The following TOP1 variants were observed in gnomAD, a reference collection of about 807,000 sequenced individuals.
The protein encoded by TOP1 is DNA topoisomerase I.
A neutral mutation model predicts 111.1 loss-of-function variants in TOP1; 10 were observed. The ratio of observed to expected loss-of-function variants is 0.09; its 90% CI spans 0.06 to 0.15. The LOEUF (loss-of-function observed/expected upper bound fraction) is 0.15, where lower values mean the gene tolerates loss of function less well. Ranked by LOEUF, TOP1 falls within the 10% of genes least tolerant of loss-of-function variation. The pLI is 1.00. For missense variants in TOP1, 474 were observed against 926.7 expected (o/e 0.51, Z 6.34); for synonymous variants, 271 against 302.9 (o/e 0.89, Z 1.10).
intron 2 of TOP1, among the ~76,000 whole-genome samples, chr20:41,049,525 A>G (rs2033376086): frequency 6.6e-6 from 1 of 152,202 alleles, no homozygotes; most frequent in Non-Finnish European, 1.5e-5. Context: ...TCCAACGGTA[A>G]CATTAGAGGC....
At position 41,067,418 on chromosome 20, in the gene TOP1, C is replaced by T. The variant is rs892124881; in HGVS notation, c.155+5928C>T. On this transcript the variant is annotated intron_variant, in intron 3 of 20. Coordinates refer to ENST00000361337, the MANE Select transcript of TOP1 (RefSeq NM_003286.4). This position sits in a 1 kb window ranked among gnomAD's most constrained non-coding sequence, Gnocchi z 4.0. ...ACAGGCTTGAGCCACCACACCCGGC[C>T]TCCAGTAAAATTTTATATACACTGT... Among the ~76,000 whole-genome samples the T allele has an allele frequency of 2.0e-5, 3 of 152,318 alleles. No individual in the cohort carries two copies. The highest frequency in any genetic ancestry group is 4.1e-4 in the South Asian group (2 of 4,830).
Position 41,095,699 on chromosome 20 carries a change from G to A in TOP1, c.731-1521G>A, listed in dbSNP as rs6129754. On this transcript the variant is annotated intron_variant, in intron 9 of 20. Coordinates refer to ENST00000361337, the MANE Select transcript of TOP1 (RefSeq NM_003286.4). This position sits in a 1 kb window ranked among gnomAD's most constrained non-coding sequence, Gnocchi z 4.6. ...TGAGATAAGATGTCTTCTGAGTTTT[G>A]AAATAAATGGATTTCTGGTTAAATT... is the stretch of plus-strand genomic sequence containing the variant. Among the ~76,000 whole-genome samples, 15 of 152,162 alleles carry A rather than the reference G, an allele frequency of 9.9e-5. No homozygotes were observed. The highest frequency in any genetic ancestry group is 3.1e-4 in the African/African-American group (13 of 41,428).
chr20:41,052,566 G>A (rs2033418509), intron 2 of TOP1, among the ~76,000 whole-genome samples: 1 of 152,208 alleles, frequency 6.6e-6, no homozygotes, highest in African/African-American at 2.4e-5. Context: ...TTTAACAGTT[G>A]GATCAAATTT....
Position 41,067,267 on chromosome 20 carries a change from C to G in TOP1, c.155+5777C>G, listed in dbSNP as rs925551059. Among the ~76,000 whole-genome samples, 7 of 151,882 alleles carry G rather than the reference C, an allele frequency of 4.6e-5. No individual in the cohort carries two copies. The highest frequency in any genetic ancestry group is 1.7e-4 in the African/African-American group (7 of 41,316). On this transcript the variant is annotated intron_variant, in intron 3 of 20. Coordinates refer to ENST00000361337, the MANE Select transcript of TOP1 (RefSeq NM_003286.4). The surrounding 1 kb of genome is among the most constrained non-coding windows in gnomAD (Gnocchi z 4.0). ...CCCGAGTAGCTGGGACTTACAGGCG[C>G]CTGCCACCACGCCGAGCTAATTTTT... is the stretch of plus-strand genomic sequence containing the variant.
intron 13 of TOP1, among the ~76,000 whole-genome samples, chr20:41,108,170 T>G (rs1433959919): frequency 6.6e-6 from 1 of 152,222 alleles, no homozygotes; most frequent in East Asian, 1.9e-4. Context: ...GATGCTTTTG[T>G]TCTACACATT....
chr20:41,123,144 G>T lies in TOP1; in HGVS notation c.2196-51G>T. ...CATCTGACCCTGGGCCTCAGATATGGGCCATTGCTGAGTCACCCTAATCCC... is the reference window on the plus strand; with the variant it reads ...CATCTGACCCTGGGCCTCAGATATGTGCCATTGCTGAGTCACCCTAATCCC... On this transcript the variant is annotated intron_variant, in intron 20 of 20. Transcript: ENST00000361337. This position sits in a 1 kb window ranked among gnomAD's most constrained non-coding sequence, Gnocchi z 5.8. 1 of 1,270,390 alleles carries T rather than the reference G, an allele frequency of 7.9e-7. No individual in the cohort carries two copies. The highest frequency in any genetic ancestry group is 1.1e-6 in the Non-Finnish European group (1 of 870,376). The allele number at this position is 1,270,390 out of a possible 1,614,324, so 78.7% of individuals were successfully genotyped here.
At chr20:41,113,104 C>T (rs556584635) in intron 14 of TOP1, among the ~76,000 whole-genome samples, 179 bp downstream of exon 14, 2 of 152,296 alleles carry the variant, frequency 1.3e-5, no homozygotes, top group African/African-American at 4.8e-5. Context: ...GCAGTAGATT[C>T]TGATCTTTTT....
In TOP1 at chr20:41,058,716, G is replaced by C. The variant is rs1010711319; in HGVS notation, c.59-2678G>C. Among the ~76,000 whole-genome samples, 1 of 152,186 alleles carries C rather than the reference G, an allele frequency of 6.6e-6. No individual in the cohort carries two copies. Among genetic ancestry groups the C allele is most frequent in the Non-Finnish European group, 1.5e-5 (1 of 68,036 alleles). On this transcript the variant is annotated intron_variant, in intron 2 of 20. Transcript: ENST00000361337. This position sits in a 1 kb window ranked among gnomAD's most constrained non-coding sequence, Gnocchi z 4.2. ...CCACACTCAAGGGGAGGGGAATTAG[G>C]CTATACCTCTTGAAAAGCGGAGTAA...
At chr20:41,120,289 A>C (rs1029211699) in intron 18 of TOP1, among the ~76,000 whole-genome samples, 3 of 152,252 alleles carry the variant, frequency 2.0e-5, no homozygotes, top group Admixed American at 6.5e-5. Context: ...GTTGGAAGTA[A>C]GCCATTCATA....
chr20:41,075,513 A>T (rs2033716787), intron 3 of TOP1, among the ~76,000 whole-genome samples: 1 of 152,158 alleles, frequency 6.6e-6, no homozygotes, highest in Admixed American at 6.5e-5. Context: ...CCCTAAGATA[A>T]ATTTCCAGGA....
chr20:41,077,761 A>G lies in TOP1; in HGVS notation c.335+124A>G. 5 of 867,206 alleles carry G rather than the reference A, an allele frequency of 5.8e-6. 1 individual carries two copies. In the South Asian group the frequency reaches 7.8e-5, roughly 14 times the overall value. 53.7% of individuals were successfully genotyped at this position (867,206 alleles called of 1,614,324 possible). ...ACCTGGCCATCTTGATGGTTCCCAG[A>G]AGCTCAGCAGTGAGAAGACTCGGTC... On this transcript the variant is annotated intron_variant, in intron 5 of 20. Coordinates refer to ENST00000361337, the MANE Select transcript of TOP1 (RefSeq NM_003286.4).
chr20:41,093,475 AC>A (rs1383996014), intron 9 of TOP1, among the ~76,000 whole-genome samples: 1 of 149,568 alleles, frequency 6.7e-6, no homozygotes, highest in East Asian at 2.0e-4. Context: ...CCCTTTCCTG[AC>A]AGTCCCCCTT....
rs1277958206 is a variant in TOP1, at chr20:41,028,929, T to C, written c.-139T>C. 4.5e-6 allele frequency: 3 copies of C among 671,772 alleles called. No individual in the cohort carries two copies. The East Asian group carries it at 9.9e-5, about 22-fold the overall frequency. 41.6% of individuals were successfully genotyped at this position (671,772 alleles called of 1,614,324 possible). On this transcript the variant is annotated 5_prime_UTR_variant, in exon 1 of 21. Transcript: ENST00000361337. ...GTAGCAGCCTCAGCCGTTTCTGGAG[T>C]CTCGGGCCCACAGTCACCGCCGCTT...
intron 13 of TOP1, among the ~76,000 whole-genome samples, chr20:41,108,697 G>C (rs764015218): frequency 4.6e-5 from 7 of 152,068 alleles, no homozygotes; most frequent in African/African-American, 9.7e-5. Context: ...TCTGTGCCTG[G>C]TGCCCGTAGG....
At chr20:41,081,309 T>G (rs759082391) in intron 7 of TOP1, 69 bp downstream of exon 7, 132 of 1,513,380 alleles carry the variant, frequency 8.7e-5, no homozygotes, top group Non-Finnish European at 1.1e-4. Context: ...AAGCAACTTC[T>G]TAAGACAAAT....
chr20:41,121,421 C>T lies in TOP1; in HGVS notation c.1951-275C>T, dbSNP rs2034420886. On this transcript the variant is annotated intron_variant, in intron 18 of 20. Transcript: ENST00000361337. This position sits in a 1 kb window ranked among gnomAD's most constrained non-coding sequence, Gnocchi z 4.2. ...TGTTCTCTGATGGAAAGATCAGCAC[C>T]CAGATTCCCAGCCCCAGCGGGTTCC... Among the ~76,000 whole-genome samples, 1 of 152,202 alleles carries T rather than the reference C, an allele frequency of 6.6e-6. No individual in the cohort carries two copies. Among genetic ancestry groups the T allele is most frequent in the South Asian group, 2.1e-4 (1 of 4,822 alleles).
intron 8 of TOP1, among the ~76,000 whole-genome samples, chr20:41,089,963 C>T (rs889343603): frequency 6.6e-6 from 1 of 151,870 alleles, no homozygotes; most frequent in Non-Finnish European, 1.5e-5. Flanking sequence ...AGTTCTTTGC[C>T]CCACCCCCAC....
chr20:41,063,770 GTTTTT>G (rs1171812798), intron 3 of TOP1, among the ~76,000 whole-genome samples: 1 of 151,414 alleles, frequency 6.6e-6, no homozygotes, highest in Non-Finnish European at 1.5e-5. Flanking sequence ...TCTTTTGCTT[GTTTTT>G]TAATGGGGTT....
intron 3 of TOP1, among the ~76,000 whole-genome samples, chr20:41,075,923 T>C (rs1000974301): frequency 2.6e-5 from 4 of 152,354 alleles, no homozygotes; most frequent in Middle Eastern, 3.4e-3. Flanking sequence ...GCTGGCTGTG[T>C]ATTCTTAGTC....
Sources: gnomAD v4.1 joint callset for allele counts (sites outside exome capture counted in the v4.1 genomes callset) on GRCh38, gnomAD v4.1.1 for gene constraint, Gnocchi (gnomAD v3.1) non-coding constraint, MANE v1.5 for transcripts, NCBI Gene and HGNC (gene_info 2026-07-23, HGNC 2026-07-21) for gene names.